The following PRMT3 variants were observed in gnomAD, a reference collection of about 807,000 sequenced individuals.
PRMT3 encodes the protein protein arginine N-methyltransferase 3.
Under a neutral mutation model 71.9 loss-of-function variants are expected in PRMT3, and 62 were observed. The observed-to-expected ratio is 0.86, with a 90% CI of 0.70 to 1.07. The LOEUF (loss-of-function observed/expected upper bound fraction) is 1.07. Among genes scored for constraint, PRMT3 ranks in the 50% least tolerant of loss-of-function variants. The pLI is 0.00. For synonymous variants in PRMT3, 213 were observed against 220.4 expected (o/e 0.97, Z 0.30); for missense variants, 663 against 643.0 (o/e 1.03, Z -0.34).
chr11:20,432,985 C>G (rs1053983701), intron 10 of PRMT3, among the ~76,000 whole-genome samples: 22 of 152,080 alleles, frequency 1.4e-4, no homozygotes, highest in Non-Finnish European at 2.6e-4. Flanking sequence ...TTCTCCCATT[C>G]TGCAGATTAT....
At position 20,462,061 on chromosome 11, in the gene PRMT3, A is replaced by G. The variant is rs746515063; in HGVS notation, c.1154A>G (p.Asp385Gly). Residue 385 changes from aspartate to glycine, a missense_variant, in exon 12 of 16, where the codon GAT (aspartate) becomes GGT (glycine). Asp to Gly is a moderately conservative substitution (Grantham distance 94). Transcript: ENST00000331079. ...GCTGATAGAATTGCTTTTTGGGATG[A>G]TGTCTATGGCTTCAAGATGTCCTGC... ...KHADRIAFWD[D>G]VYGFKMSCMK... The G allele has an allele frequency of 2.5e-6, 4 of 1,613,066 alleles. No homozygotes were observed. The highest frequency in any genetic ancestry group is 3.4e-6 in the Non-Finnish European group (4 of 1,179,318).
intron 12 of PRMT3, 25 bp from the exon 13 acceptor site, chr11:20,464,431 CTCTT>C (rs1850458706): frequency 1.3e-6 from 2 of 1,511,004 alleles, no homozygotes; most frequent in Non-Finnish European, 1.8e-6. Flanking sequence ...TTTTACTAAG[CTCTT>C]TCTTCACTTC....
chr11:20,493,957 T>A lies in PRMT3; in HGVS notation c.1386T>A (p.Asn462Lys), dbSNP rs748169080. ...AGYFDIYFEKNCHNRVVFSTG... is the reference protein window; with the variant it reads ...AGYFDIYFEKKCHNRVVFSTG... ...ACTTTGATATATATTTTGAGAAGAATTGCCACAACAGGGTAAGTATCATGA... is the reference window on the plus strand; with the variant it reads ...ACTTTGATATATATTTTGAGAAGAAATGCCACAACAGGGTAAGTATCATGA... The change falls in exon 14 of 16, where the codon AAT (asparagine) becomes AAA (lysine). Residue 462 changes from asparagine (N) to lysine (K), a missense_variant. By Grantham distance (94) the Asn-to-Lys change is moderately conservative. Coordinates refer to ENST00000331079, the MANE Select transcript of PRMT3 (RefSeq NM_005788.4). The A allele has an allele frequency of 6.3e-7, 1 of 1,590,542 alleles. No individual in the cohort carries two copies. Among genetic ancestry groups the A allele is most frequent in the South Asian group, 1.1e-5 (1 of 88,240 alleles).
chr11:20,455,031 C>A (rs960423769), intron 11 of PRMT3, among the ~76,000 whole-genome samples: 3 of 152,074 alleles, frequency 2.0e-5, no homozygotes, highest in Non-Finnish European at 4.4e-5. Flanking sequence ...GCAACGATTT[C>A]TACTATTTCT....
chr11:20,435,323 T>G (rs1294402252), intron 10 of PRMT3, among the ~76,000 whole-genome samples: 1 of 152,116 alleles, frequency 6.6e-6, no homozygotes, highest in East Asian at 1.9e-4. Context: ...CACCCCAGTA[T>G]CCTGAGGAGC....
chr11:20,415,482 A>C (rs1849284905), intron 9 of PRMT3, among the ~76,000 whole-genome samples: 1 of 152,150 alleles, frequency 6.6e-6, no homozygotes, highest in Non-Finnish European at 1.5e-5. Flanking sequence ...AGCAGGAAAA[A>C]GATGACCATA....
At chr11:20,431,694 G>A (rs1849658136) in intron 10 of PRMT3, among the ~76,000 whole-genome samples, 1 of 152,088 alleles carries the variant, frequency 6.6e-6, no homozygotes, top group Non-Finnish European at 1.5e-5. Context: ...GTATACAGAA[G>A]TATGAAAGTA....
intron 9 of PRMT3, 72 bp from the exon 10 acceptor site, chr11:20,426,694 C>A: frequency 1.5e-6 from 2 of 1,321,766 alleles, no homozygotes; most frequent in South Asian, 2.3e-5. Flanking sequence ...GAGTTGTTGG[C>A]AAAAAATTAT....
chr11:20,447,019 C>T (rs1223563062), intron 10 of PRMT3, among the ~76,000 whole-genome samples: 1 of 152,208 alleles, frequency 6.6e-6, no homozygotes, highest in East Asian at 1.9e-4. Context: ...AGCATTAGCA[C>T]ATTTTAAGAT....
intron 13 of PRMT3, among the ~76,000 whole-genome samples, chr11:20,465,496 A>T (rs1393421475): frequency 6.6e-6 from 1 of 151,918 alleles, no homozygotes; most frequent in Non-Finnish European, 1.5e-5. Flanking sequence ...GATTCTTTTA[A>T]ATATTTGGTT....
intron 9 of PRMT3, among the ~76,000 whole-genome samples, chr11:20,414,243 A>T (rs993062373): frequency 6.6e-6 from 1 of 152,156 alleles, no homozygotes. Flanking sequence ...TAAAAAGGTG[A>T]TCTAGCATTT....
chr11:20,476,390 T>TGAA (rs1850785365), intron 13 of PRMT3, among the ~76,000 whole-genome samples: 1 of 152,046 alleles, frequency 6.6e-6, no homozygotes, highest in Non-Finnish European at 1.5e-5. Context: ...AAAGGCACTT[T>TGAA]AATGAAAGGA....
intron 8 of PRMT3, chr11:20,405,479 T>C (rs1849049522): frequency 6.6e-6 from 1 of 152,184 alleles, no homozygotes; most frequent in Admixed American, 6.5e-5. Flanking sequence ...ATTAAAAATA[T>C]AGGCTTTAGA....
intron 9 of PRMT3, among the ~76,000 whole-genome samples, chr11:20,417,710 C>G (rs1260060259): frequency 6.6e-6 from 1 of 152,060 alleles, no homozygotes; most frequent in Non-Finnish European, 1.5e-5. Flanking sequence ...TGTATACTAT[C>G]TCTTGTTGCT....
chr11:20,504,346 G>A (rs1851527921), intron 15 of PRMT3, among the ~76,000 whole-genome samples: 1 of 152,034 alleles, frequency 6.6e-6, no homozygotes, highest in South Asian at 2.1e-4. Flanking sequence ...TTTCCCCCAG[G>A]GATCTGTATG....
chr11:20,468,471 C>T (rs1199981325), intron 13 of PRMT3, among the ~76,000 whole-genome samples: 3 of 152,102 alleles, frequency 2.0e-5, no homozygotes, highest in East Asian at 3.9e-4. Context: ...CAGGTTCAAG[C>T]GATCCTCTTG....
intron 15 of PRMT3, among the ~76,000 whole-genome samples, chr11:20,498,812 A>G (rs1318162434): frequency 6.6e-6 from 1 of 152,242 alleles, no homozygotes; most frequent in Non-Finnish European, 1.5e-5. Flanking sequence ...GAAACTGGCA[A>G]CCTAGATTCT....
chr11:20,402,695 C>T (rs1277385305), intron 7 of PRMT3, among the ~76,000 whole-genome samples: 2 of 152,050 alleles, frequency 1.3e-5, no homozygotes, highest in Non-Finnish European at 2.9e-5. Context: ...TTTTTAAGAA[C>T]TTGGGTCTTA....
chr11:20,466,648 T>C (rs1160201606), intron 13 of PRMT3, among the ~76,000 whole-genome samples: 4 of 152,202 alleles, frequency 2.6e-5, no homozygotes, highest in Non-Finnish European at 5.9e-5. Flanking sequence ...GTATTTAGGA[T>C]AGAGTACAAG....
Sources: gnomAD v4.1 joint callset for allele counts (sites outside exome capture counted in the v4.1 genomes callset) on GRCh38, gnomAD v4.1.1 for gene constraint, MANE v1.5 for transcripts, NCBI Gene and HGNC (gene_info 2026-07-23, HGNC 2026-07-21) for gene names.